IL15: variants seen among roughly 807,000 people sequenced by gnomAD.
IL15 encodes the protein interleukin 15.
A neutral mutation model predicts 19.6 loss-of-function variants in IL15; 11 were observed. That is an observed-to-expected ratio of 0.56 (90% CI 0.35 to 0.93). IL15 has a LOEUF of 0.93. Among genes scored for constraint, IL15 ranks in the 40% least tolerant of loss-of-function variants. IL15 has a pLI of 0.01. For missense variants in IL15, 197 were observed against 186.5 expected, an observed-to-expected ratio of 1.06 and a Z score of -0.33; for synonymous variants, 58 against 59.6, an observed-to-expected ratio of 0.97 and a Z score of 0.12.
intron 2 of IL15, among the ~76,000 whole-genome samples, chr4:141,702,477 G>A (rs1314538031): frequency 6.6e-6 from 1 of 152,220 alleles, no homozygotes; most frequent in Non-Finnish European, 1.5e-5. Context: ...GACGTAGACT[G>A]AGATTCCTTG....
chr4:141,690,656 G>C (rs1728879682), intron 2 of IL15, among the ~76,000 whole-genome samples: 1 of 152,092 alleles, frequency 6.6e-6, no homozygotes, highest in South Asian at 2.1e-4. Flanking sequence ...CTTCCTTTAA[G>C]CCCTCTGCAT....
chr4:141,683,126 C>G (rs1026150077), intron 2 of IL15, among the ~76,000 whole-genome samples: 2 of 150,276 alleles, frequency 1.3e-5, no homozygotes, highest in Non-Finnish European at 1.5e-5. Context: ...AAAATTAGCC[C>G]GGCGTGGTGG....
At chr4:141,673,287 TC>T (rs1728234917) in intron 2 of IL15, among the ~76,000 whole-genome samples, 1 of 152,244 alleles carries the variant, frequency 6.6e-6, no homozygotes, top group Non-Finnish European at 1.5e-5. Context: ...CAATGACCTA[TC>T]TTTTCATTGT....
At chr4:141,663,837 G>A (rs2152163403) in intron 2 of IL15, among the ~76,000 whole-genome samples, 1 of 152,272 alleles carries the variant, frequency 6.6e-6, no homozygotes, top group East Asian at 1.9e-4. Flanking sequence ...AGCTCTCCTT[G>A]GGGAAGAATG....
At chr4:141,729,712 C>T in intron 6 of IL15, 135 bp from the exon 7 acceptor site, 2 of 545,558 alleles carry the variant, frequency 3.7e-6, no homozygotes, top group Non-Finnish European at 6.4e-6. Flanking sequence ...TAAGCTGCCT[C>T]CTATGTAAAA....
rs1728208793 is a variant in IL15 at position 141,672,521 on chromosome 4, T to C, written c.-100+16214T>C. On this transcript the variant is annotated intron_variant, in intron 2 of 7. Transcript: ENST00000320650. ...TTATGTTGTTGCATTGATTTATTTC[T>C]GTTGTTTTGAAGTCTCAGTGAATTT... 2.0e-5 allele frequency among the ~76,000 whole-genome samples: 3 copies of C among 152,234 alleles called. No individual in the cohort carries two copies. In the South Asian group the frequency reaches 6.2e-4, roughly 32 times the overall value.
At chr4:141,694,853 C>T (rs13112582) in intron 2 of IL15, among the ~76,000 whole-genome samples, 73,596 of 151,992 alleles carry the variant, frequency 0.48, 17,865 homozygotes, top group South Asian at 0.59. Flanking sequence ...TAGATGGCAG[C>T]CCTGCTCTTT....
chr4:141,675,798 C>T (rs1728321943), intron 2 of IL15, among the ~76,000 whole-genome samples: 3 of 152,172 alleles, frequency 2.0e-5, no homozygotes, highest in Admixed American at 2.0e-4. Context: ...GCTACAACAG[C>T]AGGTGCAAAA....
chr4:141,716,649 G>A (rs1328200180), intron 2 of IL15: 1 of 152,234 alleles, frequency 6.6e-6, no homozygotes, highest in African/African-American at 2.4e-5. Context: ...CCAAGGAAAT[G>A]GGGTTGCCAC....
At chr4:141,715,210 C>G (rs1016923650) in intron 2 of IL15, 15 of 152,278 alleles carry the variant, frequency 9.9e-5, no homozygotes, top group African/African-American at 3.4e-4. Context: ...CCACATGTAT[C>G]TATCTCCACT....
intron 2 of IL15, among the ~76,000 whole-genome samples, chr4:141,664,515 G>A (rs974168381): frequency 1.1e-4 from 17 of 152,078 alleles, no homozygotes; most frequent in Admixed American, 3.3e-4. Flanking sequence ...AAACTGGGGC[G>A]TGTGGGGAAG....
intron 2 of IL15, among the ~76,000 whole-genome samples, chr4:141,704,106 A>T (rs1729428692): frequency 6.6e-6 from 1 of 152,152 alleles, no homozygotes; most frequent in Non-Finnish European, 1.5e-5. Flanking sequence ...AATAGAAGTC[A>T]TGGATAGGCA....
intron 7 of IL15, 151 bp from the exon 8 acceptor site, chr4:141,732,587 G>T: frequency 1.0e-6 from 1 of 996,222 alleles, no homozygotes; most frequent in Admixed American, 3.3e-5. Flanking sequence ...CTCTTTCCTC[G>T]TAGTTCTTCC....
intron 5 of IL15, among the ~76,000 whole-genome samples, chr4:141,725,838 A>G (rs977903187): frequency 1.3e-5 from 2 of 152,188 alleles, no homozygotes; most frequent in African/African-American, 4.8e-5. Flanking sequence ...TGCATAATTT[A>G]TAAAGAAAGG....
chr4:141,670,634 AT>A (rs1305818874), intron 2 of IL15, among the ~76,000 whole-genome samples: 1 of 152,202 alleles, frequency 6.6e-6, no homozygotes, highest in Non-Finnish European at 1.5e-5. Context: ...AATATTCAAT[AT>A]TTTTACTAGT....
chr4:141,664,247 C>T (rs1416618118), intron 2 of IL15, among the ~76,000 whole-genome samples: 1 of 151,500 alleles, frequency 6.6e-6, no homozygotes, highest in Non-Finnish European at 1.5e-5. Flanking sequence ...CCCCAAATAA[C>T]CTGTGAGAGT....
At chr4:141,725,322 G>A (rs543467812) in intron 5 of IL15, among the ~76,000 whole-genome samples, 2 of 152,256 alleles carry the variant, frequency 1.3e-5, no homozygotes, top group South Asian at 4.1e-4. Flanking sequence ...TTTTGAGATA[G>A]GGTCAGTTAA....
At chr4:141,687,092 C>G (rs1260662413) in intron 2 of IL15, among the ~76,000 whole-genome samples, 1 of 152,100 alleles carries the variant, frequency 6.6e-6, no homozygotes, top group Non-Finnish European at 1.5e-5. Flanking sequence ...CCAGGAAGTT[C>G]ATTGTTTGGA....
chr4:141,684,552 T>C (rs537955905), intron 2 of IL15, among the ~76,000 whole-genome samples: 1 of 152,210 alleles, frequency 6.6e-6, no homozygotes, highest in Non-Finnish European at 1.5e-5. Context: ...CCTATCCACA[T>C]GTATTTCCTT....
Sources: gnomAD v4.1 joint callset for allele counts (sites outside exome capture counted in the v4.1 genomes callset) on GRCh38, gnomAD v4.1.1 for gene constraint, MANE v1.5 for transcripts, NCBI Gene and HGNC (gene_info 2026-07-23, HGNC 2026-07-21) for gene names.